Variants in GRM3 observed in about 807,000 individuals in gnomAD.
The protein encoded by GRM3 is glutamate metabotropic receptor 3.
Under a neutral mutation model 70.5 loss-of-function variants are expected in GRM3, and 26 were observed. The ratio of observed to expected loss-of-function variants is 0.37; its 90% CI spans 0.27 to 0.51. The LOEUF is 0.51. Ranked by LOEUF, GRM3 falls within the 20% of genes least tolerant of loss-of-function variation. The probability of loss-of-function intolerance (pLI) is 0.93; values close to 1 mark genes in which losing one functional copy is unlikely to be tolerated. For missense variants in GRM3, 859 were observed against 1,123.8 expected, an observed-to-expected ratio of 0.76 and a Z score of 3.37; for synonymous variants, 443 against 434.9, an observed-to-expected ratio of 1.02 and a Z score of -0.23.
At chr7:86,679,067 G>A (rs574395517) in intron 1 of GRM3, among the ~76,000 whole-genome samples, 17 of 152,070 alleles carry the variant, frequency 1.1e-4, no homozygotes, top group East Asian at 9.7e-4. Flanking sequence ...GTAAATGGCC[G>A]TATCGTATTG....
chr7:86,806,531 G>A lies in GRM3; in HGVS notation c.1324+19415G>A, dbSNP rs1375771432. On this transcript the variant is annotated intron_variant, in intron 3 of 5. Transcript: ENST00000361669. Reference sequence around the variant, plus strand: ...TGAGCATTTTTTCATGTGTCTGTTGGCTGCATAAATGTCTTCTTTTGAGAA... The same window carrying A: ...TGAGCATTTTTTCATGTGTCTGTTGACTGCATAAATGTCTTCTTTTGAGAA... 2.0e-5 allele frequency among the ~76,000 whole-genome samples: 3 copies of A among 152,226 alleles called. No individual in the cohort carries two copies. The East Asian group carries it at 5.8e-4, about 29-fold the overall frequency.
intron 3 of GRM3, among the ~76,000 whole-genome samples, chr7:86,809,789 A>T (rs1446676550): frequency 6.6e-6 from 1 of 152,066 alleles, no homozygotes; most frequent in Non-Finnish European, 1.5e-5. Flanking sequence ...TGCAGAATGC[A>T]TTACGAGCTG....
chr7:86,774,917 T>C (rs980705407), intron 2 of GRM3, among the ~76,000 whole-genome samples: 2 of 152,142 alleles, frequency 1.3e-5, no homozygotes, highest in Non-Finnish European at 2.9e-5. Flanking sequence ...TAAGTCTATA[T>C]TACCTAAGTT....
At position 86,820,905 on chromosome 7, in the gene GRM3, A is replaced by AC. The variant is rs368727470; in HGVS notation, c.1325-17929dup. 5.3e-5 allele frequency among the ~76,000 whole-genome samples: 8 copies of AC among 152,254 alleles called. No individual in the cohort carries two copies. In the East Asian group the frequency reaches 1.5e-3, roughly 29 times the overall value. ...CAGTGCCCATCTTCCAGCAGAGATGACCCCCAAGGTGGAGAAATGCAAAGT... is the reference window on the plus strand; with the variant it reads ...CAGTGCCCATCTTCCAGCAGAGATGACCCCCCAAGGTGGAGAAATGCAAAGT... On this transcript the variant is annotated intron_variant, in intron 3 of 5. Coordinates refer to ENST00000361669, the MANE Select transcript of GRM3 (RefSeq NM_000840.3).
rs1308911792 is a variant in GRM3, at chr7:86,839,076, T to C, written c.1562T>C (p.Met521Thr). The C allele has an allele frequency of 6.2e-7, 1 of 1,613,982 alleles. No individual in the cohort carries two copies. Among genetic ancestry groups the C allele is most frequent in the East Asian group, 2.2e-5 (1 of 44,870 alleles). Residue 521 changes from methionine (M) to threonine (T), a missense_variant, in exon 4 of 6, where the codon ATG becomes ACG. Met to Thr is a moderately conservative substitution (Grantham distance 81). Coordinates refer to ENST00000361669, the MANE Select transcript of GRM3 (RefSeq NM_000840.3). The surrounding 1 kb of genome is among the most constrained non-coding windows in gnomAD (Gnocchi z 4.5). Reference protein sequence around the residue: ...DPCAPNEMKNMQPGDVCCWIC... With the variant: ...DPCAPNEMKNTQPGDVCCWIC... The stretch of plus-strand genomic sequence containing the variant: ...TGTGCCCCCAATGAAATGAAGAATA[T>C]GCAACCAGGGGATGTCTGCTGCTGG...
chr7:86,699,843 A>AG (rs1250339995), intron 1 of GRM3, among the ~76,000 whole-genome samples: 6 of 152,126 alleles, frequency 3.9e-5, no homozygotes, highest in African/African-American at 1.2e-4. Flanking sequence ...GGGAAATAAA[A>AG]GGTCACACTT....
Position 86,659,360 on chromosome 7 carries a change from C to G in GRM3, c.-141+14488C>G, listed in dbSNP as rs552479534. Among the ~76,000 whole-genome samples the G allele has an allele frequency of 1.2e-4, 19 of 152,212 alleles. No homozygotes were observed. The East Asian group carries it at 2.9e-3, about 23-fold the overall frequency. Reference sequence around the variant, plus strand: ...GTTCCTTTTGCTTTATCTATGTTAACTCATTTAATCTTCATGGTAGCCCTA... The same window carrying G: ...GTTCCTTTTGCTTTATCTATGTTAAGTCATTTAATCTTCATGGTAGCCCTA... On this transcript the variant is annotated intron_variant, in intron 1 of 5. Transcript: ENST00000361669.
chr7:86,806,374 A>G (rs1296894975), intron 3 of GRM3, among the ~76,000 whole-genome samples: 1 of 152,168 alleles, frequency 6.6e-6, no homozygotes, highest in African/African-American at 2.4e-5. Context: ...AACAGTGTAA[A>G]AGTGTTCCTA....
intron 3 of GRM3, among the ~76,000 whole-genome samples, chr7:86,816,312 G>A (rs751291042): frequency 6.6e-6 from 1 of 151,646 alleles, no homozygotes; most frequent in Non-Finnish European, 1.5e-5. Context: ...TTTATTTTAG[G>A]TTCAAGGGTA....
intron 1 of GRM3, among the ~76,000 whole-genome samples, chr7:86,679,126 T>C (rs1475130722): frequency 6.6e-6 from 1 of 152,036 alleles, no homozygotes; most frequent in Non-Finnish European, 1.5e-5. Flanking sequence ...TGCAGTGATT[T>C]GCCATGGAGC....
At chr7:86,654,529 C>A (rs535342936) in intron 1 of GRM3, among the ~76,000 whole-genome samples, 1 of 152,276 alleles carries the variant, frequency 6.6e-6, no homozygotes, top group African/African-American at 2.4e-5. Context: ...AAGCCAAAAG[C>A]CCACTGCCTC....
chr7:86,839,120 C>T lies in GRM3; in HGVS notation c.1606C>T (p.Pro536Ser). Residue 536 changes from proline (P) to serine (S), a missense_variant, in exon 4 of 6, where the codon CCC becomes TCC. Coordinates refer to ENST00000361669, the MANE Select transcript of GRM3 (RefSeq NM_000840.3). The surrounding 1 kb of genome is among the most constrained non-coding windows in gnomAD (Gnocchi z 4.5). ...VCCWICIPCE[P>S]YEYLADEFTC... ...CTGCTGGATTTGCATCCCCTGTGAA[C>T]CCTACGAATACCTGGCTGATGAGTT... is the stretch of plus-strand genomic sequence containing the variant. 1.2e-6 allele frequency: 2 copies of T among 1,614,084 alleles called. No individual in the cohort carries two copies. The highest frequency in any genetic ancestry group is 8.5e-7 in the Non-Finnish European group (1 of 1,179,992).
At chr7:86,659,429 G>A (rs981483459) in intron 1 of GRM3, among the ~76,000 whole-genome samples, 1 of 152,160 alleles carries the variant, frequency 6.6e-6, no homozygotes, top group African/African-American at 2.4e-5. Flanking sequence ...GAAGAGGAAA[G>A]TGAAGTACTA....
At chr7:86,767,073 A>G (rs573464887) in intron 2 of GRM3, among the ~76,000 whole-genome samples, 3 of 151,988 alleles carry the variant, frequency 2.0e-5, no homozygotes, top group East Asian at 1.9e-4. Context: ...TTAGCAGGGC[A>G]TAGTGGGACA....
At chr7:86,664,066 A>G (rs576465057) in intron 1 of GRM3, among the ~76,000 whole-genome samples, 79 of 152,118 alleles carry the variant, frequency 5.2e-4, no homozygotes, top group African/African-American at 1.8e-3. Context: ...GCACTATATT[A>G]TGTTGAGGGT....
At chr7:86,664,894 G>A (rs545980684) in intron 1 of GRM3, among the ~76,000 whole-genome samples, 101 of 152,114 alleles carry the variant, frequency 6.6e-4, no homozygotes, top group Middle Eastern at 6.8e-3. Context: ...TTAAACTTGG[G>A]AAGTTCTGGC....
At chr7:86,862,110 G>T (rs573505132) in intron 5 of GRM3, among the ~76,000 whole-genome samples, 1 of 152,298 alleles carries the variant, frequency 6.6e-6, no homozygotes, top group East Asian at 1.9e-4. Flanking sequence ...ATTCACTGAG[G>T]AAAGGAAAGC....
chr7:86,711,662 T>C (rs1210270743), intron 1 of GRM3, among the ~76,000 whole-genome samples: 7 of 152,130 alleles, frequency 4.6e-5, no homozygotes, highest in Admixed American at 4.6e-4. Flanking sequence ...TCAGTAACAA[T>C]TCACCATCAT....
At chr7:86,755,933 T>C (rs983488729) in intron 1 of GRM3, among the ~76,000 whole-genome samples, 2 of 152,294 alleles carry the variant, frequency 1.3e-5, no homozygotes, top group East Asian at 1.9e-4. Flanking sequence ...CAATATCTAA[T>C]GTCTAGACTT....
Sources: allele counts gnomAD v4.1 joint callset (sites outside exome capture counted in the v4.1 genomes callset), GRCh38; gene constraint gnomAD v4.1.1; non-coding constraint Gnocchi (gnomAD v3.1); transcripts MANE v1.5; gene names NCBI Gene and HGNC (gene_info 2026-07-23, HGNC 2026-07-21).